Variants in LRRC9 observed in about 807,000 individuals in gnomAD.
LRRC9 encodes the protein leucine rich repeat containing 9, also known as leucine-rich repeat-containing protein 9.
In LRRC9, 122 loss-of-function variants were observed where a neutral mutation model predicts 63.2. The ratio of observed to expected loss-of-function variants is 1.93; its 90% CI spans 1.67 to 2.24. The LOEUF is 2.24. Among genes scored for constraint, LRRC9 ranks in the 30% most tolerant of loss-of-function variants. The pLI is 0.00. For synonymous variants in LRRC9, 366 were observed against 213.1 expected, an observed-to-expected ratio of 1.72 and a Z score of -6.25; for missense variants, 1,071 against 627.7, an observed-to-expected ratio of 1.71 and a Z score of -7.55.
At chr14:59,994,662 C>CATGGA (rs1057059981) in intron 17 of LRRC9, among the ~76,000 whole-genome samples, 3 of 152,140 alleles carry the variant, frequency 2.0e-5, no homozygotes, top group Non-Finnish European at 4.4e-5. Flanking sequence ...AAATATACAC[C>CATGGA]ATGGAATACT....
chr14:59,994,474 C>G (rs1386439210), intron 17 of LRRC9, among the ~76,000 whole-genome samples: 1 of 151,956 alleles, frequency 6.6e-6, no homozygotes, highest in Non-Finnish European at 1.5e-5. Flanking sequence ...GGATCTAGAA[C>G]TAGAAATACC....
At chr14:59,994,825 C>T (rs1438845946) in intron 17 of LRRC9, among the ~76,000 whole-genome samples, 1 of 146,120 alleles carries the variant, frequency 6.8e-6, no homozygotes, top group African/African-American at 2.6e-5. Flanking sequence ...AACACATGGA[C>T]ACAGGAAGGG....
At chr14:60,044,646 A>G (rs1267200739) in intron 29 of LRRC9, among the ~76,000 whole-genome samples, 1 of 152,208 alleles carries the variant, frequency 6.6e-6, no homozygotes, top group Non-Finnish European at 1.5e-5. Flanking sequence ...TTGTGATCCA[A>G]GAAGATACTT....
At chr14:60,006,478 A>T in exon 22 of LRRC9, 1 of 702,126 alleles carries the variant, frequency 1.4e-6, no homozygotes, top group Non-Finnish European at 2.6e-6. Context: ...ACCTTTGATA[A>T]CATGCTTCAT....
At chr14:60,025,069 G>GT (rs971982178) in intron 27 of LRRC9, among the ~76,000 whole-genome samples, 137 of 147,140 alleles carry the variant, frequency 9.3e-4, no homozygotes, top group African/African-American at 2.8e-3. Context: ...TTTGTTTTTG[G>GT]TTTTTTTTTT....
chr14:60,019,606 C>G (rs1890961314), intron 26 of LRRC9, among the ~76,000 whole-genome samples: 1 of 151,806 alleles, frequency 6.6e-6, no homozygotes, highest in African/African-American at 2.4e-5. Context: ...AAAACTCACC[C>G]TGTATGTACA....
intron 29 of LRRC9, among the ~76,000 whole-genome samples, chr14:60,048,190 T>G (rs1442142380): frequency 6.6e-6 from 1 of 150,586 alleles, no homozygotes; most frequent in African/African-American, 2.4e-5. Flanking sequence ...ATCAAAAAGT[T>G]AGATCTCAAG....
At chr14:60,019,523 A>G (rs1372003051) in intron 26 of LRRC9, among the ~76,000 whole-genome samples, 1 of 151,934 alleles carries the variant, frequency 6.6e-6, no homozygotes, top group Non-Finnish European at 1.5e-5. Flanking sequence ...ACAAACAAAC[A>G]AAAGGCCTTG....
At chr14:59,965,693 C>T (rs1266588303) in intron 10 of LRRC9, among the ~76,000 whole-genome samples, 1 of 151,806 alleles carries the variant, frequency 6.6e-6, no homozygotes, top group Non-Finnish European at 1.5e-5. Context: ...ACCATCCTGG[C>T]TAACACGGTG....
At chr14:59,921,813 C>T (rs1888803667) in intron 1 of LRRC9, among the ~76,000 whole-genome samples, 1 of 149,022 alleles carries the variant, frequency 6.7e-6, no homozygotes, top group Admixed American at 6.7e-5. Context: ...AGGCCAGGCA[C>T]GGTGGCTCAT....
intron 12 of LRRC9, among the ~76,000 whole-genome samples, chr14:59,971,154 C>T (rs1162360385): frequency 6.6e-6 from 1 of 152,122 alleles, no homozygotes; most frequent in South Asian, 2.1e-4. Flanking sequence ...TATGGCTAGT[C>T]AGTTATCCCA....
intron 8 of LRRC9, among the ~76,000 whole-genome samples, chr14:59,949,571 TG>T (rs151190565): frequency 1.1e-3 from 156 of 140,620 alleles, no homozygotes; most frequent in South Asian, 1.6e-3. Flanking sequence ...TGTTTGCTCT[TG>T]CTTTTAATTG....
At chr14:60,016,134 C>T (rs1890664405) in intron 23 of LRRC9, among the ~76,000 whole-genome samples, 1 of 152,032 alleles carries the variant, frequency 6.6e-6, no homozygotes, top group East Asian at 1.9e-4. Flanking sequence ...TTCCTCAGGT[C>T]CTGAGGTACC....
intron 17 of LRRC9, among the ~76,000 whole-genome samples, chr14:59,993,609 G>C (rs1453877266): frequency 6.6e-6 from 1 of 152,108 alleles, no homozygotes; most frequent in Non-Finnish European, 1.5e-5. Flanking sequence ...AATAAAGGGA[G>C]GGAGGAAGAT....
intron 29 of LRRC9, among the ~76,000 whole-genome samples, chr14:60,044,557 C>A: frequency 6.6e-6 from 1 of 152,152 alleles, no homozygotes; most frequent in South Asian, 2.1e-4. Flanking sequence ...ACTGGTCATT[C>A]AGGATCATGT....
chr14:59,991,677 C>T lies in LRRC9; in HGVS notation c.2212-5979C>T, dbSNP rs557878240. On this transcript the variant is annotated intron_variant, in intron 17 of 31. Transcript: ENST00000445360. ...GCACACCAGGAGATTATATCCCGCG[C>T]ATAGCTCGGAGGGTCCTACGCCCAT... Among the ~76,000 whole-genome samples the T allele has an allele frequency of 2.0e-5, 3 of 152,298 alleles. No individual in the cohort carries two copies. The South Asian group carries it at 6.2e-4, about 32-fold the overall frequency.
chr14:60,039,505 T>C (rs373050894), intron 29 of LRRC9, among the ~76,000 whole-genome samples: 1 of 152,234 alleles, frequency 6.6e-6, no homozygotes, highest in East Asian at 1.9e-4. Context: ...GGTGTGTGTG[T>C]CCAGGAATTT....
chr14:59,996,432 T>C (rs773090719), intron 17 of LRRC9, among the ~76,000 whole-genome samples: 53 of 152,318 alleles, frequency 3.5e-4, no homozygotes, highest in African/African-American at 4.8e-4. Flanking sequence ...TTATACCTTA[T>C]AAAGGAATGA....
intron 29 of LRRC9, among the ~76,000 whole-genome samples, chr14:60,048,852 C>T (rs1342784435): frequency 6.6e-6 from 1 of 152,144 alleles, no homozygotes; most frequent in Non-Finnish European, 1.5e-5. Flanking sequence ...AAACTTCAGG[C>T]CACTATCTCT....
Sources: allele counts gnomAD v4.1 joint callset (sites outside exome capture counted in the v4.1 genomes callset), GRCh38; gene constraint gnomAD v4.1.1; transcripts MANE v1.5; gene names NCBI Gene and HGNC (gene_info 2026-07-23, HGNC 2026-07-21).